Variants in MACROD2 observed in about 807,000 individuals in gnomAD.
MACROD2 encodes mono-ADP ribosylhydrolase 2.
In MACROD2, 36 loss-of-function variants were observed where a neutral mutation model predicts 70.4. The observed-to-expected ratio is 0.51, with a 90% confidence interval of 0.39 to 0.68. MACROD2 has a LOEUF of 0.68. MACROD2 is among the 30% of genes least tolerant of loss of function. The pLI is 0.00. For synonymous variants in MACROD2, 172 were observed against 178.8 expected, an observed-to-expected ratio of 0.96 and a Z score of 0.30; for missense variants, 496 against 538.4, an observed-to-expected ratio of 0.92 and a Z score of 0.78.
At chr20:15,191,687 C>A (rs2076571429) in intron 5 of MACROD2, among the ~76,000 whole-genome samples, 1 of 152,096 alleles carries the variant, frequency 6.6e-6, no homozygotes, top group East Asian at 1.9e-4. Context: ...CTCTGCCAAT[C>A]AGAAATATTT....
chr20:15,633,764 G>A (rs1189008819), intron 8 of MACROD2, among the ~76,000 whole-genome samples: 2 of 152,088 alleles, frequency 1.3e-5, no homozygotes, highest in Non-Finnish European at 1.5e-5. Flanking sequence ...TTAAATGAAT[G>A]TTTATTTTTT....
intron 5 of MACROD2, among the ~76,000 whole-genome samples, chr20:14,762,565 C>T (rs972212221): frequency 6.6e-6 from 1 of 152,138 alleles, no homozygotes; most frequent in African/African-American, 2.4e-5. Flanking sequence ...CAGGTGTCTA[C>T]TTAGGGTAAA....
At chr20:14,819,524 C>T (rs2072815708) in intron 5 of MACROD2, among the ~76,000 whole-genome samples, 1 of 152,002 alleles carries the variant, frequency 6.6e-6, no homozygotes, top group South Asian at 2.1e-4. Flanking sequence ...AGAAACAAAA[C>T]CTTCCCCTCA....
At chr20:14,503,127 G>C (rs2084932043) in intron 4 of MACROD2, among the ~76,000 whole-genome samples, 1 of 152,124 alleles carries the variant, frequency 6.6e-6, no homozygotes, top group African/African-American at 2.4e-5. Flanking sequence ...CTTGGCACTG[G>C]GGAGGAACAA....
intron 4 of MACROD2, among the ~76,000 whole-genome samples, chr20:14,607,198 G>C (rs941286945): frequency 3.9e-5 from 6 of 152,064 alleles, no homozygotes; most frequent in African/African-American, 1.4e-4. Context: ...GAGTCAATAG[G>C]GGTTCTAACA....
intron 3 of MACROD2, among the ~76,000 whole-genome samples, chr20:14,154,133 A>G (rs1248187912): frequency 6.6e-6 from 1 of 152,182 alleles, no homozygotes; most frequent in Non-Finnish European, 1.5e-5. Flanking sequence ...TAAAAGATAA[A>G]TGGCTTTTTT....
chr20:14,535,329 C>G lies in MACROD2; in HGVS notation c.301+41821C>G, dbSNP rs1045559780. 2.6e-5 allele frequency among the ~76,000 whole-genome samples: 4 copies of G among 151,892 alleles called. No individual in the cohort carries two copies. The East Asian group carries it at 7.8e-4, about 30-fold the overall frequency. On this transcript the variant is annotated intron_variant, in intron 4 of 17. Coordinates refer to ENST00000684519, the MANE Select transcript of MACROD2 (RefSeq NM_001351661.2). Reference sequence around the variant, plus strand: ...GACCAGCCTGGCCAACATGGTGAAACCCCATCTCTACTAAAAATACAAAAA... The same window carrying G: ...GACCAGCCTGGCCAACATGGTGAAAGCCCATCTCTACTAAAAATACAAAAA...
chr20:14,046,110 A>T (rs1423128983), intron 2 of MACROD2, among the ~76,000 whole-genome samples: 1 of 152,240 alleles, frequency 6.6e-6, no homozygotes, highest in Non-Finnish European at 1.5e-5. Flanking sequence ...AGTGTGAATC[A>T]TTAAACTGAA....
chr20:15,937,917 G>A (rs2065690582), intron 12 of MACROD2, among the ~76,000 whole-genome samples: 2 of 151,958 alleles, frequency 1.3e-5, no homozygotes, highest in Admixed American at 1.3e-4. Context: ...TTGAAAGAGT[G>A]GCATTTGAGG....
At chr20:14,694,146 CAG>C (rs567667560) in intron 5 of MACROD2, among the ~76,000 whole-genome samples, 6 of 152,124 alleles carry the variant, frequency 3.9e-5, no homozygotes, top group Non-Finnish European at 5.9e-5. Flanking sequence ...ATCCCCTTAC[CAG>C]ATGTATACAG....
At chr20:14,798,650 A>G (rs1005014852) in intron 5 of MACROD2, among the ~76,000 whole-genome samples, 3 of 152,142 alleles carry the variant, frequency 2.0e-5, no homozygotes, top group Non-Finnish European at 2.9e-5. Flanking sequence ...AATGTAATTT[A>G]TAATTTAGGA....
chr20:14,989,431 A>G (rs2074880272), intron 5 of MACROD2, among the ~76,000 whole-genome samples: 1 of 152,178 alleles, frequency 6.6e-6, no homozygotes, highest in African/African-American at 2.4e-5. Context: ...GTGGAAGTAC[A>G]CAGATTTATT....
chr20:14,227,646 C>A (rs887052066), intron 3 of MACROD2, among the ~76,000 whole-genome samples: 1 of 152,248 alleles, frequency 6.6e-6, no homozygotes, highest in South Asian at 2.1e-4. Flanking sequence ...CCGCGAGGGT[C>A]CGCGGCTTCA....
chr20:15,759,015 G>A (rs1355758919), intron 8 of MACROD2, among the ~76,000 whole-genome samples: 1 of 151,966 alleles, frequency 6.6e-6, no homozygotes, highest in Admixed American at 6.6e-5. Context: ...GGGCTTGCTG[G>A]CAGGGGCCTA....
chr20:14,226,595 A>G (rs1295064243), intron 3 of MACROD2, among the ~76,000 whole-genome samples: 3 of 152,086 alleles, frequency 2.0e-5, no homozygotes, highest in Non-Finnish European at 2.9e-5. Context: ...CGGGCCGCGC[A>G]CTCGGAGCAG....
At chr20:15,123,643 T>C (rs1455177313) in intron 5 of MACROD2, among the ~76,000 whole-genome samples, 1 of 152,182 alleles carries the variant, frequency 6.6e-6, no homozygotes, top group Non-Finnish European at 1.5e-5. Context: ...AAAATTGAAA[T>C]CACGTGTGTG....
intron 3 of MACROD2, among the ~76,000 whole-genome samples, chr20:14,449,745 A>T (rs1198480774): frequency 6.6e-6 from 1 of 152,138 alleles, no homozygotes; most frequent in African/African-American, 2.4e-5. Flanking sequence ...TATTGGTTAG[A>T]GGATTCAGAA....
At chr20:14,184,177 G>C (rs1445923493) in intron 3 of MACROD2, among the ~76,000 whole-genome samples, 1 of 152,108 alleles carries the variant, frequency 6.6e-6, no homozygotes, top group Non-Finnish European at 1.5e-5. Context: ...TTGCATTTAA[G>C]TCTTTAATCC....
chr20:14,533,524 T>G (rs947057329), intron 4 of MACROD2, among the ~76,000 whole-genome samples: 1 of 152,208 alleles, frequency 6.6e-6, no homozygotes, highest in African/African-American at 2.4e-5. Context: ...GACTAAGTGG[T>G]GAACCATTTG....
Sources: allele counts gnomAD v4.1 joint callset (sites outside exome capture counted in the v4.1 genomes callset), GRCh38; gene constraint gnomAD v4.1.1; transcripts MANE v1.5; gene names NCBI Gene and HGNC (gene_info 2026-07-23, HGNC 2026-07-21).